The following IGDCC4 variants were observed in gnomAD, a reference collection of about 807,000 sequenced individuals.
IGDCC4 encodes immunoglobulin superfamily DCC subclass member 4, also known as likely ortholog of mouse neighbor of Punc E11.
Under a neutral mutation model 116.6 loss-of-function variants are expected in IGDCC4, and 72 were observed. The observed-to-expected ratio is 0.62, with a 90% CI of 0.51 to 0.75. The LOEUF is 0.75. IGDCC4 is among the 30% of genes least tolerant of loss of function. IGDCC4 has a pLI of 0.00. For missense variants in IGDCC4, 1,501 were observed against 1,662.4 expected, an observed-to-expected ratio of 0.90 and a Z score of 1.69; for synonymous variants, 709 against 719.9, an observed-to-expected ratio of 0.98 and a Z score of 0.24.
At chr15:65,386,314 A>T (rs1353271993) in intron 17 of IGDCC4, among the ~76,000 whole-genome samples, 4 of 152,190 alleles carry the variant, frequency 2.6e-5, no homozygotes, top group African/African-American at 4.8e-5. Context: ...GCTACAGAGG[A>T]AGTGGGAGTG....
At position 65,390,294 on chromosome 15, in the gene IGDCC4, G is replaced by T; in HGVS notation, c.2269C>A (p.His757Asn). 1 of 1,611,682 alleles carries T rather than the reference G, an allele frequency of 6.2e-7. No individual in the cohort carries two copies. The highest frequency in any genetic ancestry group is 1.1e-5 in the South Asian group (1 of 90,922). The change falls in exon 13 of 20, where the codon CAT becomes AAT. Residue 757 changes from histidine to asparagine, a missense_variant. Physicochemically the swap from His to Asn is moderately conservative, Grantham distance 68. Around this residue, in one of 3 missense-constraint regions of IGDCC4, gnomAD observed 235 missense variants for 328.0 expected, o/e 0.72. Transcript: ENST00000352385. ...GATGTGGAGCTGTTTGATTCCGCAT[G>T]GACGTGGGCTGGAGGCAGGGGTGGT... ...RGPPLPPAHVHAESNSSTSIW... is the reference protein window; with the variant it reads ...RGPPLPPAHVNAESNSSTSIW...
At chr15:65,396,348 A>G (rs1315776212) in intron 6 of IGDCC4, 185 bp from the exon 7 acceptor site, 4 of 686,808 alleles carry the variant, frequency 5.8e-6, no homozygotes, top group African/African-American at 1.8e-5. Flanking sequence ...TCTTCTCCCC[A>G]TTTACCCCAG....
At chr15:65,405,760 C>A (rs1210792512) in intron 3 of IGDCC4, among the ~76,000 whole-genome samples, 5 of 152,142 alleles carry the variant, frequency 3.3e-5, no homozygotes, top group East Asian at 1.9e-4. Flanking sequence ...GTATACTCTA[C>A]CATTTTAAGA....
Position 65,396,141 on chromosome 15 carries a change from C to T in IGDCC4, c.1020G>A (p.Ala340=), listed in dbSNP as rs1193496094. The T allele has an allele frequency of 1.7e-5, 25 of 1,475,902 alleles. No homozygotes were observed. The highest frequency in any genetic ancestry group is 2.3e-4 in the Middle Eastern group (1 of 4,308). 91.4% of individuals were successfully genotyped at this position (1,475,902 alleles called of 1,614,324 possible). A position where few individuals can be genotyped will look rare whatever the true frequency, so the allele number is the denominator to read the frequency against. The part of the protein sequence containing the change: ...RVLAAPAITQ[A]PEALSRTRAS... Reference sequence around the variant, plus strand: ...CCCGCGTCCGCGACAGCGCCTCGGGCGCCTGAGTGATGGCGGGAGCCGCTA... The same window carrying T: ...CCCGCGTCCGCGACAGCGCCTCGGGTGCCTGAGTGATGGCGGGAGCCGCTA... The change falls in exon 7 of 20, where the codon GCG becomes GCA. Residue 340 remains alanine (A), a synonymous_variant. Transcript: ENST00000352385.
At chr15:65,400,077 GC>G (rs1051025943) in intron 5 of IGDCC4, among the ~76,000 whole-genome samples, 7 of 152,116 alleles carry the variant, frequency 4.6e-5, no homozygotes, top group African/African-American at 1.7e-4. Context: ...AATAGTTCTG[GC>G]CCCTCCTCTC....
At position 65,393,254 on chromosome 15, in the gene IGDCC4, G is replaced by C; in HGVS notation, c.1885+107C>G. Reference sequence around the variant, plus strand: ...CATCAAGCGGAGGGAGCCATGGAAGGTCTCTGATGGAGGGCGGGGCCAGGG... The same window carrying C: ...CATCAAGCGGAGGGAGCCATGGAAGCTCTCTGATGGAGGGCGGGGCCAGGG... On this transcript the variant is annotated intron_variant, in intron 10 of 19. Coordinates refer to ENST00000352385, the MANE Select transcript of IGDCC4 (RefSeq NM_020962.3). The surrounding 1 kb of genome is among the most constrained non-coding windows in gnomAD (Gnocchi z 4.6). 1 of 1,217,486 alleles carries C rather than the reference G, an allele frequency of 8.2e-7. No individual in the cohort carries two copies. The highest frequency in any genetic ancestry group is 1.1e-6 in the Non-Finnish European group (1 of 909,754). 75.4% of individuals were successfully genotyped at this position (1,217,486 alleles called of 1,614,324 possible).
At chr15:65,396,222 C>CT in intron 6 of IGDCC4, 59 bp from the exon 7 acceptor site, 1 of 1,294,690 alleles carries the variant, frequency 7.7e-7, no homozygotes. Flanking sequence ...CTCTGCCCCC[C>CT]CCCCAGTACC....
At chr15:65,386,152 C>T (rs1002605002) in intron 17 of IGDCC4, 93 bp from the exon 18 acceptor site, 7 of 797,524 alleles carry the variant, frequency 8.8e-6, no homozygotes, top group Non-Finnish European at 1.4e-5. Flanking sequence ...TGGGGAGGTT[C>T]CTGCCCATCT....
chr15:65,416,565 G>A (rs960696189), intron 1 of IGDCC4, among the ~76,000 whole-genome samples: 1 of 151,702 alleles, frequency 6.6e-6, no homozygotes, highest in Non-Finnish European at 1.5e-5. Context: ...ATTTGTCCAG[G>A]AGCTTCATGG....
intron 18 of IGDCC4, 144 bp from the exon 19 acceptor site, chr15:65,385,259 G>A (rs1400977105): frequency 1.1e-6 from 1 of 881,066 alleles, no homozygotes; most frequent in Non-Finnish European, 1.7e-6. Flanking sequence ...CAAGGCTCTG[G>A]GGAGGAGCAT....
chr15:65,383,835 T>C lies in IGDCC4; in HGVS notation c.*174A>G. 1.8e-6 allele frequency: 1 copy of C among 551,076 alleles called. No individual in the cohort carries two copies. Among genetic ancestry groups the C allele is most frequent in the Non-Finnish European group, 3.2e-6 (1 of 316,098 alleles). The allele number at this position is 551,076 out of a possible 1,614,324, so 34.1% of individuals were successfully genotyped here. A position where few individuals can be genotyped will look rare whatever the true frequency, so the allele number is the denominator to read the frequency against. On this transcript the variant is annotated 3_prime_UTR_variant, in exon 20 of 20. Transcript: ENST00000352385. ...CATGTCACATGTGTATCACAAAGAGTATGGGGGGAGTGAATAATCCATGTT... is the reference window on the plus strand; with the variant it reads ...CATGTCACATGTGTATCACAAAGAGCATGGGGGGAGTGAATAATCCATGTT...
chr15:65,388,994 G>A lies in IGDCC4; in HGVS notation c.2537-16C>T. On this transcript the variant is annotated splice_polypyrimidine_tract_variant and intron_variant, in intron 14 of 19. Coordinates refer to ENST00000352385, the MANE Select transcript of IGDCC4 (RefSeq NM_020962.3). ...GTGGAGGGCCCTGGGGTGCGGGAGA[G>A]GAGATGGGGAGAGATGTCAGAGCTG... The A allele has an allele frequency of 9.8e-6, 15 of 1,536,616 alleles. No homozygotes were observed. The highest frequency in any genetic ancestry group is 1.2e-5 in the Non-Finnish European group (14 of 1,137,452).
chr15:65,390,284 G>A lies in IGDCC4; in HGVS notation c.2279C>T (p.Ser760Leu). 2 of 1,613,056 alleles carry A rather than the reference G, an allele frequency of 1.2e-6. No homozygotes were observed. The highest frequency in any genetic ancestry group is 1.7e-6 in the Non-Finnish European group (2 of 1,179,152). The change falls in exon 13 of 20, where the codon TCA (serine) becomes TTA (leucine). Residue 760 changes from serine to leucine, a missense_variant. Around this residue, in one of 3 missense-constraint regions of IGDCC4, gnomAD observed 235 missense variants for 328.0 expected, o/e 0.72. Transcript: ENST00000352385. ...PLPPAHVHAESNSSTSIWLRW... is the reference protein window; with the variant it reads ...PLPPAHVHAELNSSTSIWLRW... The stretch of plus-strand genomic sequence containing the variant: ...AAGCCAGATGGATGTGGAGCTGTTT[G>A]ATTCCGCATGGACGTGGGCTGGAGG...
intron 13 of IGDCC4, 80 bp downstream of exon 13, chr15:65,390,075 C>T: frequency 7.7e-7 from 1 of 1,304,282 alleles, no homozygotes; most frequent in Non-Finnish European, 1.1e-6. Context: ...CTTCCCTGAT[C>T]ACCACCTGCT....
At chr15:65,394,356 G>T (rs2062897295) in intron 9 of IGDCC4, 55 bp downstream of exon 9, 1 of 1,606,766 alleles carries the variant, frequency 6.2e-7, no homozygotes, top group Non-Finnish European at 8.5e-7. Flanking sequence ...AGCCCTGACA[G>T]CTCTTCACGT....
intron 3 of IGDCC4, among the ~76,000 whole-genome samples, chr15:65,409,787 GA>G (rs1567091787): frequency 1.3e-5 from 2 of 152,226 alleles, no homozygotes. Flanking sequence ...CCTGAAAAGA[GA>G]AAACCTTCCC....
In IGDCC4 at chr15:65,413,024, ATGTGTGTG is replaced by A. The variant is rs59690408; in HGVS notation, c.71-1662_71-1655del. Among the ~76,000 whole-genome samples, 568 of 146,054 alleles carry A rather than the reference ATGTGTGTG, an allele frequency of 3.9e-3. 4 individuals are homozygous for A. Among genetic ancestry groups the A allele is most frequent in the African/African-American group, 0.013 (501 of 39,612 alleles). ...TAAAATGTATTATAAGTGTGAGAAA[ATGTGTGTG>A]TGTGTGTGTGTGTGTGTGTGTGTGT... On this transcript the variant is annotated intron_variant, in intron 1 of 19. Coordinates refer to ENST00000352385, the MANE Select transcript of IGDCC4 (RefSeq NM_020962.3).
At position 65,393,380 on chromosome 15, in the gene IGDCC4, A is replaced by G; in HGVS notation, c.1866T>C (p.Ser622=). The change falls in exon 10 of 20, where the codon AGT becomes AGC. Residue 622 remains serine (S), a synonymous_variant. Coordinates refer to ENST00000352385, the MANE Select transcript of IGDCC4 (RefSeq NM_020962.3). The surrounding 1 kb of genome is among the most constrained non-coding windows in gnomAD (Gnocchi z 4.6). ...CCGTACCATGGCTCTGGTTGTGCAT[A>G]CTGGGCGTCCTGTGATGCATCCACT... is the stretch of plus-strand genomic sequence containing the variant. ...PSQWMHHRTP[S]MHNQSHVPFA... The G allele has an allele frequency of 6.2e-7, 1 of 1,612,220 alleles. No homozygotes were observed. The highest frequency in any genetic ancestry group is 8.5e-7 in the Non-Finnish European group (1 of 1,179,084).
At chr15:65,387,484 G>C (rs922002599) in intron 16 of IGDCC4, among the ~76,000 whole-genome samples, 5 of 152,122 alleles carry the variant, frequency 3.3e-5, no homozygotes, top group African/African-American at 1.2e-4. Flanking sequence ...GAGTAGTTGG[G>C]ACTACAGGCA....
Sources: gnomAD v4.1 joint callset for allele counts (sites outside exome capture counted in the v4.1 genomes callset) on GRCh38, gnomAD v4.1.1 for gene constraint, gnomAD v4.1.1 regional missense constraint, Gnocchi (gnomAD v3.1) non-coding constraint, MANE v1.5 for transcripts, NCBI Gene and HGNC (gene_info 2026-07-23, HGNC 2026-07-21) for gene names.